CDK6: variants seen among roughly 807,000 people sequenced by gnomAD.
CDK6 encodes the protein cyclin dependent kinase 6, also known as cyclin-dependent kinase 6.
A neutral mutation model predicts 37.1 loss-of-function variants in CDK6; 6 were observed. The observed-to-expected ratio is 0.16, with a 90% CI of 0.09 to 0.32. The LOEUF is 0.32. CDK6 is among the 10% of genes least tolerant of loss of function. The pLI is 1.00. For synonymous variants in CDK6, 160 were observed against 161.3 expected (o/e 0.99, Z 0.06); for missense variants, 224 against 418.9 (o/e 0.53, Z 4.06).
intron 2 of CDK6, among the ~76,000 whole-genome samples, chr7:92,824,818 T>A (rs1481826578): frequency 2.6e-5 from 4 of 152,082 alleles, no homozygotes; most frequent in African/African-American, 4.8e-5. Flanking sequence ...TTGATCAGAG[T>A]AAACCACTAA....
intron 5 of CDK6, among the ~76,000 whole-genome samples, chr7:92,652,208 A>G (rs1796591819): frequency 6.6e-6 from 1 of 152,232 alleles, no homozygotes; most frequent in African/African-American, 2.4e-5. Context: ...ACATGATATC[A>G]GAAGGAACAC....
chr7:92,690,568 G>C (rs1398264826), intron 4 of CDK6, among the ~76,000 whole-genome samples: 1 of 152,088 alleles, frequency 6.6e-6, no homozygotes, highest in Admixed American at 6.6e-5. Flanking sequence ...CTCCAGCTTT[G>C]TTCAAAAAGA....
At position 92,606,051 on chromosome 7, in the gene CDK6, T is replaced by C; in HGVS notation, c.*9089A>G. On this transcript the variant is annotated 3_prime_UTR_variant, in exon 8 of 8. Coordinates refer to ENST00000424848, the MANE Select transcript of CDK6 (RefSeq NM_001145306.2). ...TAAGCAAACGGAATAAGAATAATTA[T>C]GCACCTTTAAGGAACATGCACCCTT... The C allele has an allele frequency of 4.3e-6, 1 of 233,684 alleles. No homozygotes were observed. The highest frequency in any genetic ancestry group is 8.5e-6 in the Non-Finnish European group (1 of 118,030). 14.5% of individuals were successfully genotyped at this position (233,684 alleles called of 1,614,324 possible).
intron 6 of CDK6, among the ~76,000 whole-genome samples, chr7:92,619,398 C>T (rs973701464): frequency 7.2e-5 from 11 of 152,146 alleles, no homozygotes; most frequent in Non-Finnish European, 1.5e-4. Context: ...CTTTCTCACA[C>T]AGACTGTATA....
At chr7:92,618,278 A>G in intron 6 of CDK6, 71 bp from the exon 7 acceptor site, 2 of 1,535,612 alleles carry the variant, frequency 1.3e-6, no homozygotes, top group South Asian at 1.2e-5. Flanking sequence ...CAATTTCCAG[A>G]GAAAGGCAAA....
At chr7:92,785,027 A>G (rs1013299795) in intron 2 of CDK6, among the ~76,000 whole-genome samples, 9 of 152,204 alleles carry the variant, frequency 5.9e-5, no homozygotes, top group African/African-American at 2.2e-4. Context: ...TACTCATTTT[A>G]GAGACGAAGA....
In CDK6 at chr7:92,612,057, C is replaced by T; in HGVS notation, c.*3083G>A. 4.3e-6 allele frequency: 1 copy of T among 232,892 alleles called. No individual in the cohort carries two copies. Among genetic ancestry groups the T allele is most frequent in the Non-Finnish European group, 8.5e-6 (1 of 117,800 alleles). The allele number at this position is 232,892 out of a possible 1,614,324, so 14.4% of individuals were successfully genotyped here. A position where few individuals can be genotyped will look rare whatever the true frequency, so the allele number is the denominator to read the frequency against. The stretch of plus-strand genomic sequence containing the variant: ...TTTTAAGATTAGGTCCTTTTTATTA[C>T]CCTTTGCCATGGGATTTCTTATGAA... On this transcript the variant is annotated 3_prime_UTR_variant, in exon 8 of 8. Transcript: ENST00000424848.
At chr7:92,787,776 T>A (rs1447276928) in intron 2 of CDK6, among the ~76,000 whole-genome samples, 3 of 152,042 alleles carry the variant, frequency 2.0e-5, no homozygotes. Context: ...GCTCACAAAG[T>A]CTTCAGATTA....
At chr7:92,708,410 A>G (rs533196758) in intron 4 of CDK6, among the ~76,000 whole-genome samples, 5 of 152,320 alleles carry the variant, frequency 3.3e-5, no homozygotes, top group African/African-American at 1.2e-4. Flanking sequence ...TAAGGAAAAA[A>G]GTAAATTATG....
Position 92,614,715 on chromosome 7 carries a change from A to ACACACACACACACATG in CDK6, c.*409_*424dup, listed in dbSNP as rs1795635329. ...CTCACATACACACACACACACACAC[A>ACACACACACACACATG]CACACACACACACATGCACACACAC... On this transcript the variant is annotated 3_prime_UTR_variant, in exon 8 of 8. Coordinates refer to ENST00000424848, the MANE Select transcript of CDK6 (RefSeq NM_001145306.2). The ACACACACACACACATG allele has an allele frequency of 4.3e-5, 11 of 257,588 alleles. No homozygotes were observed. In the South Asian group the frequency reaches 1.4e-3, roughly 33 times the overall value. 16.0% of individuals were successfully genotyped at this position (257,588 alleles called of 1,614,324 possible).
intron 2 of CDK6, among the ~76,000 whole-genome samples, chr7:92,813,485 G>A (rs894968763): frequency 1.3e-5 from 2 of 152,130 alleles, no homozygotes; most frequent in Non-Finnish European, 2.9e-5. Context: ...TGATTGAGGT[G>A]GTTTTCTTTA....
intron 4 of CDK6, among the ~76,000 whole-genome samples, chr7:92,684,389 T>C (rs1797403340): frequency 1.3e-5 from 2 of 152,212 alleles, no homozygotes; most frequent in Non-Finnish European, 2.9e-5. Flanking sequence ...TTTTCTAAGA[T>C]AATGGGACCC....
chr7:92,715,507 A>T (rs1025554033), intron 4 of CDK6, among the ~76,000 whole-genome samples: 7 of 152,176 alleles, frequency 4.6e-5, no homozygotes, highest in Non-Finnish European at 1.0e-4. Flanking sequence ...TTTATGAAGG[A>T]TTTAAAAATC....
intron 3 of CDK6, among the ~76,000 whole-genome samples, chr7:92,758,032 G>C (rs1799358120): frequency 6.6e-6 from 1 of 152,086 alleles, no homozygotes; most frequent in Non-Finnish European, 1.5e-5. Context: ...TTTCCTTACA[G>C]ATGCTGGATA....
chr7:92,714,106 C>T (rs983461203), intron 4 of CDK6, among the ~76,000 whole-genome samples: 3 of 152,202 alleles, frequency 2.0e-5, no homozygotes, highest in Admixed American at 1.3e-4. Flanking sequence ...AGACAGAAGT[C>T]AAACAAATGG....
intron 6 of CDK6, among the ~76,000 whole-genome samples, chr7:92,619,793 T>C (rs962433114): frequency 5.9e-5 from 9 of 151,890 alleles, no homozygotes; most frequent in African/African-American, 2.2e-4. Flanking sequence ...CAAAGACAGA[T>C]TCATGGACAT....
chr7:92,674,084 CTTCT>C (rs1260582856), intron 4 of CDK6, among the ~76,000 whole-genome samples: 3 of 148,020 alleles, frequency 2.0e-5, no homozygotes, highest in African/African-American at 7.6e-5. Context: ...CTCCCCCTTT[CTTCT>C]TTTTTTTTTT....
At chr7:92,740,438 C>A (rs1798892868) in intron 3 of CDK6, among the ~76,000 whole-genome samples, 1 of 152,144 alleles carries the variant, frequency 6.6e-6, no homozygotes, top group South Asian at 2.1e-4. Context: ...AGGTTATGTG[C>A]CCGCCTCGTA....
At chr7:92,726,601 C>A (rs1042951113) in intron 3 of CDK6, among the ~76,000 whole-genome samples, 1 of 151,808 alleles carries the variant, frequency 6.6e-6, no homozygotes, top group African/African-American at 2.4e-5. Context: ...TGCAGAGATG[C>A]GATCTCACTA....
Sources: allele counts gnomAD v4.1 joint callset (sites outside exome capture counted in the v4.1 genomes callset), GRCh38; gene constraint gnomAD v4.1.1; transcripts MANE v1.5; gene names NCBI Gene and HGNC (gene_info 2026-07-23, HGNC 2026-07-21).